Variants in TRMT2A observed in about 807,000 individuals in gnomAD.
TRMT2A encodes the protein tRNA methyltransferase 2A, also known as tRNA (uracil-5-)-methyltransferase homolog A.
In TRMT2A, 60 loss-of-function variants were observed where a neutral mutation model predicts 59.3. That is an observed-to-expected ratio of 1.01 (90% CI 0.82 to 1.26). The LOEUF (loss-of-function observed/expected upper bound fraction) is 1.26. TRMT2A is among the 50% of genes most tolerant of loss of function. The probability of loss-of-function intolerance (pLI) is 0.00; values close to 1 mark genes in which losing one functional copy is unlikely to be tolerated. For synonymous variants in TRMT2A, 403 were observed against 353.7 expected, an observed-to-expected ratio of 1.14 and a Z score of -1.56; for missense variants, 863 against 845.2, an observed-to-expected ratio of 1.02 and a Z score of -0.26.
At chr22:20,114,550 T>C (rs1245852270) in intron 7 of TRMT2A, 24 bp downstream of exon 7, 3 of 1,591,400 alleles carry the variant, frequency 1.9e-6, no homozygotes, top group South Asian at 1.1e-5. Flanking sequence ...CATGTCCCCA[T>C]GCCCACCAGG....
Position 20,112,949 on chromosome 22 carries a change from GAC to G in TRMT2A, c.1606_1607del (p.Val536LeufsTer20), listed in dbSNP as rs1319558374. On this transcript the variant is annotated frameshift_variant, in exon 11 of 12. Transcript: ENST00000252136. LOFTEE classifies it low-confidence loss of function (END_TRUNC). ...RAKNLRRLLY[V>X]SCNPRAAMGN... ...CCATGGCTGCCCGGGGGTTGCATGA[GAC>G]GTACAGCAGCCGCCTGAGGTTCTTA... 1.7e-5 allele frequency: 28 copies of G among 1,613,720 alleles called. No homozygotes were observed. Among genetic ancestry groups the G allele is most frequent in the Non-Finnish European group, 2.3e-5 (27 of 1,180,020 alleles).
rs1568972631 is a variant in TRMT2A, at chr22:20,115,315, T to C, written c.841A>G (p.Ile281Val). ...ACCACCTGCTTGGTGGCTTCGGGGA[T>C]GTGCACGGTGTCAAACGGGGCTGCC... ...AVAAPFDTVHIPEATKQVVKA... is the reference protein window; with the variant it reads ...AVAAPFDTVHVPEATKQVVKA... The change falls in exon 4 of 12, where the codon ATC becomes GTC. Residue 281 changes from isoleucine (I) to valine (V), a missense_variant. By Grantham distance (29) the Ile-to-Val change is conservative. Transcript: ENST00000252136. 5 of 1,612,762 alleles carry C rather than the reference T, an allele frequency of 3.1e-6. No individual in the cohort carries two copies. The highest frequency in any genetic ancestry group is 1.7e-5 in the Admixed American group (1 of 59,996).
intron 7 of TRMT2A, 52 bp from the exon 8 acceptor site, chr22:20,113,860 C>G: frequency 6.7e-7 from 1 of 1,502,888 alleles, no homozygotes. Context: ...TGTGGTGCCA[C>G]TGGTGCCCCG....
Position 20,116,558 on chromosome 22 carries a change from G to T in TRMT2A, c.79C>A (p.Pro27Thr). The T allele has an allele frequency of 6.3e-7, 1 of 1,583,050 alleles. No homozygotes were observed. Among genetic ancestry groups the T allele is most frequent in the Non-Finnish European group, 8.6e-7 (1 of 1,169,030 alleles). The change falls in exon 2 of 12, where the codon CCT (proline) becomes ACT (threonine). Residue 27 changes from proline to threonine, a missense_variant. Physicochemically the swap from Pro to Thr is conservative, Grantham distance 38. Coordinates refer to ENST00000252136, the MANE Select transcript of TRMT2A (RefSeq NM_022727.6). ...GCTGCAGGGGGCACCGAGACGGTAGGGCAGCTCAGGGCACTGCTGCTCTCC... is the reference window on the plus strand; with the variant it reads ...GCTGCAGGGGGCACCGAGACGGTAGTGCAGCTCAGGGCACTGCTGCTCTCC... ...GQESSSALSC[P>T]TVSVPPAAPA... is the part of the protein sequence containing the mutation.
chr22:20,112,468 C>T lies in TRMT2A; in HGVS notation c.*95G>A, dbSNP rs2049872011. On this transcript the variant is annotated 3_prime_UTR_variant, in exon 12 of 12. Coordinates refer to ENST00000252136, the MANE Select transcript of TRMT2A (RefSeq NM_022727.6). ...CACAGGGTTCTGTGCCCTTTGGCTG[C>T]CTACCTCTGAATATCCTGGCCAGCA... The T allele has an allele frequency of 2.1e-6, 3 of 1,445,958 alleles. No homozygotes were observed. Among genetic ancestry groups the T allele is most frequent in the Non-Finnish European group, 9.2e-7 (1 of 1,081,970 alleles). The allele number at this position is 1,445,958 out of a possible 1,614,324, so 89.6% of individuals were successfully genotyped here. A position where few individuals can be genotyped will look rare whatever the true frequency, so the allele number is the denominator to read the frequency against.
chr22:20,115,442 C>T lies in TRMT2A; in HGVS notation c.714G>A (p.Glu238=). 1.9e-6 allele frequency: 3 copies of T among 1,606,798 alleles called. No homozygotes were observed. Among genetic ancestry groups the T allele is most frequent in the South Asian group, 1.1e-5 (1 of 90,904 alleles). Residue 238 remains glutamate, a synonymous_variant, in exon 4 of 12, where the codon GAG becomes GAA. Transcript: ENST00000252136. ...EGVRPSPQQT[E]YRNKCEFLVG... ...CCAGAAACTCACACTTATTACGATA[C>T]TCAGTCTGCAGGGAGAGAGAGCTGC... is the stretch of plus-strand genomic sequence containing the variant.
chr22:20,112,663 T>C lies in TRMT2A; in HGVS notation c.1778A>G (p.Asn593Ser), dbSNP rs921032129. 5.0e-6 allele frequency: 8 copies of C among 1,614,072 alleles called. No individual in the cohort carries two copies. Among genetic ancestry groups the C allele is most frequent in the Middle Eastern group, 1.7e-4 (1 of 6,060 alleles). ...GTGGGGCCCCAAGACCCCTGTGCCA[T>C]TGGGGTGCTCCACCCTCTCAAACAG... ...LILFERVEHP[N>S]GTGVLGPHSP... Residue 593 changes from asparagine to serine, a missense_variant, in exon 12 of 12, where the codon AAT (asparagine) becomes AGT (serine). By Grantham distance (46) the Asn-to-Ser change is conservative. Transcript: ENST00000252136.
In TRMT2A at chr22:20,117,035, G is replaced by A. The variant is rs949612403; in HGVS notation, c.-129C>T. ...TCAGAGGGGAGGTGCTCACAGAGCC[G>A]GTGCAACGCCGCGAGGTCGCCGCCA... On this transcript the variant is annotated 5_prime_UTR_variant, in exon 1 of 12. Coordinates refer to ENST00000252136, the MANE Select transcript of TRMT2A (RefSeq NM_022727.6). 6 of 1,258,224 alleles carry A rather than the reference G, an allele frequency of 4.8e-6. No homozygotes were observed. The African/African-American group carries it at 9.0e-5, about 19-fold the overall frequency. The allele number at this position is 1,258,224 out of a possible 1,614,324, so 77.9% of individuals were successfully genotyped here.
chr22:20,113,315 A>G, intron 9 of TRMT2A, 81 bp from the exon 10 acceptor site: 1 of 1,510,958 alleles, frequency 6.6e-7, no homozygotes, highest in Non-Finnish European at 8.9e-7. Flanking sequence ...CTAGCCAAAG[A>G]GCTTGCTCAC....
intron 9 of TRMT2A, 33 bp downstream of exon 9, chr22:20,113,399 A>AGGGCCC: frequency 1.4e-6 from 1 of 713,636 alleles, no homozygotes; most frequent in Non-Finnish European, 2.4e-6. Flanking sequence ...GGCTGCCCCC[A>AGGGCCC]TCCCCACCCC....
At position 20,113,249 on chromosome 22, in the gene TRMT2A, C is replaced by T. The variant is rs373189614; in HGVS notation, c.1433-15G>A. 3.7e-5 allele frequency: 57 copies of T among 1,533,262 alleles called. No individual in the cohort carries two copies. The highest frequency in any genetic ancestry group is 4.6e-5 in the Non-Finnish European group (53 of 1,142,092). 95.0% of individuals were successfully genotyped at this position (1,533,262 alleles called of 1,614,324 possible). The stretch of plus-strand genomic sequence containing the variant: ...ATTACTCAACTCTGAAGAGATGGCA[C>T]CGTGGCCTGTCAGAGGGCCACATGC... On this transcript the variant is annotated splice_polypyrimidine_tract_variant and intron_variant, in intron 9 of 11. Coordinates refer to ENST00000252136, the MANE Select transcript of TRMT2A (RefSeq NM_022727.6).
At position 20,116,089 on chromosome 22, in the gene TRMT2A, T is replaced by C. The variant is rs771689222; in HGVS notation, c.548A>G (p.Gln183Arg). 2 of 1,587,528 alleles carry C rather than the reference T, an allele frequency of 1.3e-6. No homozygotes were observed. Among genetic ancestry groups the C allele is most frequent in the Non-Finnish European group, 8.6e-7 (1 of 1,161,746 alleles). The change falls in exon 2 of 12, where the codon CAG becomes CGG. Residue 183 changes from glutamine to arginine, a missense_variant. Gln to Arg is a conservative substitution (Grantham distance 43, BLOSUM62 1). Transcript: ENST00000252136. ...GCACTCCAGCTGCTTCCGCTCAAGC[T>C]GCTCAGCATAGGGCACTGTCCATAG... Reference protein sequence around the residue: ...TPLWTVPYAEQLERKQLECEQ... With the variant: ...TPLWTVPYAERLERKQLECEQ...
At chr22:20,113,088 G>C (rs376080691) in intron 10 of TRMT2A, 30 bp downstream of exon 10, 1 of 1,609,818 alleles carries the variant, frequency 6.2e-7, no homozygotes, top group African/African-American at 1.3e-5. Context: ...CCTCGTTCCC[G>C]TGCCACCTCC....
rs916631274 is a variant in TRMT2A at position 20,112,426 on chromosome 22, G to C, written c.*137C>G. ...TCAGGGCCCCTGGCCCCTAGCAGCA[G>C]GCCAATCCTGGTGGGGCACAGGGTT... On this transcript the variant is annotated 3_prime_UTR_variant, in exon 12 of 12. Transcript: ENST00000252136. 52 of 1,195,654 alleles carry C rather than the reference G, an allele frequency of 4.3e-5. No individual in the cohort carries two copies. Among genetic ancestry groups the C allele is most frequent in the Non-Finnish European group, 6.0e-5 (52 of 868,776 alleles). The allele number at this position is 1,195,654 out of a possible 1,614,324, so 74.1% of individuals were successfully genotyped here.
At position 20,113,451 on chromosome 22, in the gene TRMT2A, C is replaced by T; in HGVS notation, c.1413G>A (p.Arg471=). 6.2e-7 allele frequency: 1 copy of T among 1,612,830 alleles called. No homozygotes were observed. Among genetic ancestry groups the T allele is most frequent in the Non-Finnish European group, 8.5e-7 (1 of 1,179,702 alleles). The change falls in exon 9 of 12, where the codon CGG becomes CGA. Residue 471 remains arginine (R), a synonymous_variant. Transcript: ENST00000252136. ...ELCPEAVEDA[R]VNAQDNELSN... ...ACTCACCATTGTCCTGGGCGTTCAC[C>T]CGGGCGTCCTCCACAGCCTCTGGGC...
At chr22:20,113,561 C>T (rs1167415419) in intron 8 of TRMT2A, 54 bp from the exon 9 acceptor site, 2 of 1,611,022 alleles carry the variant, frequency 1.2e-6, no homozygotes, top group Non-Finnish European at 8.5e-7. Flanking sequence ...TACATGGGGC[C>T]CTGTGGGCAG....
intron 7 of TRMT2A, 57 bp from the exon 8 acceptor site, chr22:20,113,865 G>GA: frequency 1.3e-6 from 2 of 1,492,620 alleles, no homozygotes; most frequent in Non-Finnish European, 1.8e-6. Flanking sequence ...TGCCACTGGT[G>GA]CCCCGACGCC....
intron 1 of TRMT2A, 96 bp downstream of exon 1, chr22:20,116,787 T>C: frequency 7.6e-7 from 1 of 1,308,078 alleles, no homozygotes; most frequent in Non-Finnish European, 1.0e-6. Flanking sequence ...CTATCGCACC[T>C]GCCTCGTCCC....
At chr22:20,113,408 C>T in intron 9 of TRMT2A, 24 bp downstream of exon 9, 1 of 1,556,222 alleles carries the variant, frequency 6.4e-7, no homozygotes, top group Non-Finnish European at 8.8e-7. Flanking sequence ...CATCCCCACC[C>T]CCACCCACGG....
Sources: gnomAD v4.1 joint callset for allele counts on GRCh38, gnomAD v4.1.1 for gene constraint, MANE v1.5 for transcripts, NCBI Gene and HGNC (gene_info 2026-07-23, HGNC 2026-07-21) for gene names.